The following GLCE variants were observed in gnomAD, a reference collection of about 807,000 sequenced individuals.
GLCE encodes the protein glucuronic acid epimerase.
Under a neutral mutation model 47.9 loss-of-function variants are expected in GLCE, and 19 were observed. That is an observed-to-expected ratio of 0.40 (90% confidence interval 0.28 to 0.58). The LOEUF is 0.58. Ranked by LOEUF, GLCE falls within the 20% of genes least tolerant of loss-of-function variation. The probability of loss-of-function intolerance (pLI) is 0.48; values close to 1 mark genes in which losing one functional copy is unlikely to be tolerated. For missense variants in GLCE, 556 were observed against 743.3 expected (o/e 0.75, Z 2.93); for synonymous variants, 245 against 263.4 (o/e 0.93, Z 0.68).
rs146238286 is a variant in GLCE, at chr15:69,231,567, G to A, written c.-14+21161G>A. 5.8e-3 allele frequency among the ~76,000 whole-genome samples: 878 copies of A among 152,096 alleles called. 13 individuals are homozygous for A. Among genetic ancestry groups the A allele is most frequent in the African/African-American group, 0.021 (855 of 41,482 alleles). On this transcript the variant is annotated intron_variant, in intron 2 of 4. Transcript: ENST00000261858. ...CAAAGTGCTGGGATTACAGGCGTGA[G>A]CCACCCAGCCTTGTCCAGTCATTCT... is the stretch of plus-strand genomic sequence containing the variant.
intron 1 of GLCE, among the ~76,000 whole-genome samples, chr15:69,208,459 A>G (rs553469080): frequency 1.3e-5 from 2 of 151,320 alleles, no homozygotes; most frequent in South Asian, 4.2e-4. Flanking sequence ...TTGTGTGGAT[A>G]TATTTGTGAA....
At chr15:69,229,195 A>G (rs1216344916) in intron 2 of GLCE, among the ~76,000 whole-genome samples, 1 of 152,250 alleles carries the variant, frequency 6.6e-6, no homozygotes, top group East Asian at 1.9e-4. Context: ...CTGGAAAGAC[A>G]TAATAATTCT....
In GLCE at chr15:69,222,448, G is replaced by T. The variant is rs560870692; in HGVS notation, c.-14+12042G>T. Among the ~76,000 whole-genome samples, 3 of 152,326 alleles carry T rather than the reference G, an allele frequency of 2.0e-5. No homozygotes were observed. The East Asian group carries it at 5.8e-4, about 29-fold the overall frequency. ...GGGCTGGTGGACAGCAGGGTGCACA[G>T]ATCAGGCTCACCCTGGTCCCACAGG... On this transcript the variant is annotated intron_variant, in intron 2 of 4. Transcript: ENST00000261858.
chr15:69,169,756 G>T (rs1245123683), intron 1 of GLCE, among the ~76,000 whole-genome samples: 2 of 151,964 alleles, frequency 1.3e-5, no homozygotes, highest in African/African-American at 4.8e-5. Flanking sequence ...GTGTTCCATG[G>T]TGTGTATGTG....
At chr15:69,215,324 A>AAT (rs2052290921) in intron 2 of GLCE, among the ~76,000 whole-genome samples, 1 of 152,150 alleles carries the variant, frequency 6.6e-6, no homozygotes, top group African/African-American at 2.4e-5. Flanking sequence ...GGAATCATAT[A>AAT]ATATGTAGCC....
At position 69,160,906 on chromosome 15, in the gene GLCE, C is replaced by T. The variant is rs2051407929; in HGVS notation, c.-105+149C>T. 6.5e-6 allele frequency: 1 copy of T among 152,892 alleles called. No individual in the cohort carries two copies. Among genetic ancestry groups the T allele is most frequent in the Non-Finnish European group, 1.5e-5 (1 of 68,760 alleles). 9.5% of individuals were successfully genotyped at this position (152,892 alleles called of 1,614,324 possible). A position where few individuals can be genotyped will look rare whatever the true frequency, so the allele number is the denominator to read the frequency against. On this transcript the variant is annotated intron_variant, in intron 1 of 4. Coordinates refer to ENST00000261858, the MANE Select transcript of GLCE (RefSeq NM_015554.3). This position sits in a 1 kb window ranked among gnomAD's most constrained non-coding sequence, Gnocchi z 4.2. Reference sequence around the variant, plus strand: ...GCGAGGCTTGGCGGGGTTTGGGAGTCCGGGGGGCGAGGAGGCGGTGCAGTG... The same window carrying T: ...GCGAGGCTTGGCGGGGTTTGGGAGTTCGGGGGGCGAGGAGGCGGTGCAGTG...
intron 1 of GLCE, among the ~76,000 whole-genome samples, chr15:69,181,556 A>G (rs150818091): frequency 6.4e-4 from 98 of 152,330 alleles, no homozygotes; most frequent in African/African-American, 9.6e-4. Context: ...TGCTGCTCAT[A>G]GTTCCAGTAA....
intron 1 of GLCE, among the ~76,000 whole-genome samples, chr15:69,178,267 A>G (rs1470905393): frequency 6.6e-6 from 1 of 152,224 alleles, no homozygotes; most frequent in Non-Finnish European, 1.5e-5. Flanking sequence ...GGACAAAACC[A>G]GGTAGCTAAT....
intron 1 of GLCE, among the ~76,000 whole-genome samples, chr15:69,202,708 T>A (rs16952940): frequency 0.12 from 18,660 of 152,130 alleles, 1,210 homozygotes; most frequent in East Asian, 0.16. Context: ...ATAGAACTTT[T>A]TATCAGAACT....
At chr15:69,267,148 G>A (rs1351803674) in intron 4 of GLCE, among the ~76,000 whole-genome samples, 8 of 152,082 alleles carry the variant, frequency 5.3e-5, no homozygotes, top group African/African-American at 1.9e-4. Context: ...CTGGGAATTA[G>A]CCATCATTAA....
intron 1 of GLCE, among the ~76,000 whole-genome samples, chr15:69,165,989 C>T (rs1312407382): frequency 6.6e-6 from 1 of 152,210 alleles, no homozygotes; most frequent in African/African-American, 2.4e-5. Flanking sequence ...GATGGTTACA[C>T]TGTTAAACTT....
chr15:69,235,093 C>CTTTTTTTTTTTTTTTTTT (rs869212730), intron 2 of GLCE, among the ~76,000 whole-genome samples: 2 of 62,882 alleles, frequency 3.2e-5, no homozygotes, highest in African/African-American at 1.5e-4. Flanking sequence ...GAAGATTATT[C>CTTTTTTTTTTTTTTTTTT]TTTTTTTTTT....
chr15:69,264,360 G>A (rs1303268512), intron 4 of GLCE, among the ~76,000 whole-genome samples: 1 of 151,916 alleles, frequency 6.6e-6, no homozygotes, highest in Non-Finnish European at 1.5e-5. Flanking sequence ...TATTCTATAG[G>A]TATGTGTGTG....
In GLCE at chr15:69,261,319, T is replaced by A; in HGVS notation, c.819T>A (p.Phe273Leu). ...CTAGATTCACCAATGTCAAACAGTTTATTGCACCAGGTAAGTTATGTATTA... is the reference window on the plus strand; with the variant it reads ...CTAGATTCACCAATGTCAAACAGTTAATTGCACCAGGTAAGTTATGTATTA... ...DKSRFTNVKQFIAPETSEGVS... is the reference protein window; with the variant it reads ...DKSRFTNVKQLIAPETSEGVS... The change falls in exon 4 of 5, where the codon TTT (phenylalanine) becomes TTA (leucine). Residue 273 changes from phenylalanine (F) to leucine (L), a missense_variant. Transcript: ENST00000261858. 6.2e-7 allele frequency: 1 copy of A among 1,613,770 alleles called. No individual in the cohort carries two copies. The highest frequency in any genetic ancestry group is 2.2e-5 in the East Asian group (1 of 44,876).
intron 1 of GLCE, among the ~76,000 whole-genome samples, chr15:69,203,998 A>C (rs2052113380): frequency 6.6e-6 from 1 of 152,134 alleles, no homozygotes; most frequent in African/African-American, 2.4e-5. Flanking sequence ...GAAAGTGTTC[A>C]GAAGAGGTAG....
intron 2 of GLCE, among the ~76,000 whole-genome samples, chr15:69,223,075 G>T (rs531052433): frequency 6.6e-6 from 1 of 152,294 alleles, no homozygotes; most frequent in African/African-American, 2.4e-5. Flanking sequence ...AAATGCGGTA[G>T]TCTCTTAGGT....
chr15:69,221,885 A>G (rs918477924), intron 2 of GLCE, among the ~76,000 whole-genome samples: 17 of 139,556 alleles, frequency 1.2e-4, no homozygotes, highest in Non-Finnish European at 2.2e-4. Flanking sequence ...AAAAAAAAAA[A>G]TATGCCCTGG....
chr15:69,192,543 G>A (rs2051929146), intron 1 of GLCE, among the ~76,000 whole-genome samples: 1 of 151,888 alleles, frequency 6.6e-6, no homozygotes, highest in Non-Finnish European at 1.5e-5. Flanking sequence ...AATATTGACT[G>A]TTTTTCTAGT....
At chr15:69,231,285 C>A (rs970730861) in intron 2 of GLCE, among the ~76,000 whole-genome samples, 13 of 143,026 alleles carry the variant, frequency 9.1e-5, no homozygotes, top group African/African-American at 3.4e-4. Flanking sequence ...TTTGTCCAGT[C>A]ATTTTTTTTT....
Sources: allele counts gnomAD v4.1 joint callset (sites outside exome capture counted in the v4.1 genomes callset), GRCh38; gene constraint gnomAD v4.1.1; non-coding constraint Gnocchi (gnomAD v3.1); transcripts MANE v1.5; gene names NCBI Gene and HGNC (gene_info 2026-07-23, HGNC 2026-07-21).